NDUFAF6: variants seen among roughly 807,000 people sequenced by gnomAD.
The protein encoded by NDUFAF6 is NADH:ubiquinone oxidoreductase complex assembly factor 6.
Under a neutral mutation model 40.8 loss-of-function variants are expected in NDUFAF6, and 45 were observed. The observed-to-expected ratio is 1.10, with a 90% confidence interval of 0.87 to 1.42. NDUFAF6 has a LOEUF of 1.42. Among genes scored for constraint, NDUFAF6 ranks in the 40% most tolerant of loss-of-function variants. NDUFAF6 has a pLI of 0.00. For synonymous variants in NDUFAF6, 185 were observed against 155.9 expected (o/e 1.19, Z -1.39); for missense variants, 435 against 418.5 (o/e 1.04, Z -0.34).
At chr8:95,036,630 G>A in intron 3 of NDUFAF6, 2 of 652,494 alleles carry the variant, frequency 3.1e-6, no homozygotes, top group Admixed American at 3.9e-5. Context: ...GAGTATAGTG[G>A]AGGTGGAGGT....
At chr8:94,918,800 A>G (rs1819305754) in intron 1 of NDUFAF6, among the ~76,000 whole-genome samples, 1 of 152,114 alleles carries the variant, frequency 6.6e-6, no homozygotes, top group South Asian at 2.1e-4. Context: ...TTTCCAACCC[A>G]TTCCCTGTGT....
At chr8:95,009,748 A>G (rs1044296016) in intron 2 of NDUFAF6, among the ~76,000 whole-genome samples, 1 of 152,208 alleles carries the variant, frequency 6.6e-6, no homozygotes, top group Non-Finnish European at 1.5e-5. Flanking sequence ...TAATTTCAGC[A>G]GAGATCTCAA....
At chr8:95,057,727 G>A in intron 8 of NDUFAF6, 82 bp from the exon 9 acceptor site, 1 of 1,093,854 alleles carries the variant, frequency 9.1e-7, no homozygotes, top group Non-Finnish European at 1.3e-6. Context: ...CTAAATACTT[G>A]TAATTATTCT....
upstream of NDUFAF6, among the ~76,000 whole-genome samples, chr8:95,020,090 T>C (rs1427224600): frequency 1.3e-5 from 2 of 152,062 alleles, no homozygotes; most frequent in East Asian, 1.9e-4. Context: ...TCCCAGCTAC[T>C]TGGGAGGCTG....
At chr8:95,007,097 C>T (rs1316953271) in intron 2 of NDUFAF6, among the ~76,000 whole-genome samples, 1 of 151,918 alleles carries the variant, frequency 6.6e-6, no homozygotes, top group Non-Finnish European at 1.5e-5. Flanking sequence ...GTTCCTTTGG[C>T]TTATACAAAA....
At chr8:94,949,162 G>A (rs1373650599) in intron 2 of NDUFAF6, 3 of 148,614 alleles carry the variant, frequency 2.0e-5, no homozygotes, top group Admixed American at 6.7e-5. Context: ...ACGTGGGCCC[G>A]GGCCGTGCGG....
At chr8:95,051,056 G>T (rs2131938899) in intron 7 of NDUFAF6, among the ~76,000 whole-genome samples, 1 of 152,000 alleles carries the variant, frequency 6.6e-6, no homozygotes. Context: ...AGAAGGAGAT[G>T]GACTATTAAA....
chr8:95,015,102 A>G (rs2678830), intron 2 of NDUFAF6, among the ~76,000 whole-genome samples: 151,489 of 152,350 alleles, frequency 0.99, 75,322 homozygotes, highest in East Asian at 1. Flanking sequence ...GACTGTCTGG[A>G]TGGATGAGCA....
intron 2 of NDUFAF6, among the ~76,000 whole-genome samples, chr8:95,088,192 G>T (rs961999983): frequency 6.6e-6 from 1 of 152,150 alleles, no homozygotes; most frequent in African/African-American, 2.4e-5. Context: ...GGCCACCTGG[G>T]CTCACAGCCT....
At chr8:95,056,232 GT>G (rs1460711759) in intron 8 of NDUFAF6, among the ~76,000 whole-genome samples, 107 of 140,822 alleles carry the variant, frequency 7.6e-4, no homozygotes, top group Middle Eastern at 3.6e-3. Context: ...TTTCTGGATT[GT>G]TTTTTTTTTT....
At chr8:94,998,729 A>G (rs1276363245) in intron 2 of NDUFAF6, among the ~76,000 whole-genome samples, 1 of 152,220 alleles carries the variant, frequency 6.6e-6, no homozygotes, top group Non-Finnish European at 1.5e-5. Flanking sequence ...AGGTGGATGC[A>G]CGCAGGAGGG....
intron 2 of NDUFAF6, among the ~76,000 whole-genome samples, chr8:94,995,027 C>T (rs1038201153): frequency 1.3e-5 from 2 of 152,198 alleles, no homozygotes; most frequent in African/African-American, 4.8e-5. Context: ...CAAAGAGATC[C>T]ATTTTCATTG....
chr8:95,043,571 G>A (rs2131868683), intron 4 of NDUFAF6, among the ~76,000 whole-genome samples: 1 of 152,218 alleles, frequency 6.6e-6, no homozygotes, highest in Non-Finnish European at 1.5e-5. Context: ...ATGGGGAAAG[G>A]ATTTGAGTAG....
At chr8:95,105,619 G>A (rs748877275), downstream of NDUFAF6, among the ~76,000 whole-genome samples, 1 of 151,652 alleles carries the variant, frequency 6.6e-6, no homozygotes, top group East Asian at 1.9e-4. Flanking sequence ...CTCCTGCCTC[G>A]GCCTTCTGAG....
intron 2 of NDUFAF6, among the ~76,000 whole-genome samples, chr8:95,019,292 G>A (rs1034739224): frequency 3.9e-5 from 6 of 152,228 alleles, no homozygotes; most frequent in African/African-American, 1.4e-4. Flanking sequence ...TTACAGGCGT[G>A]AGCCACTGCA....
chr8:94,958,522 C>CTTTTTTTTTTTTTTTTTT (rs55703438), intron 1 of NDUFAF6, among the ~76,000 whole-genome samples: 1 of 71,244 alleles, frequency 1.4e-5, no homozygotes, highest in Non-Finnish European at 2.5e-5. Context: ...TAGTCACATT[C>CTTTTTTTTTTTTTTTTTT]TTTTTTTTTT....
At chr8:95,084,498 A>G (rs1276296464) in intron 2 of NDUFAF6, among the ~76,000 whole-genome samples, 1 of 152,166 alleles carries the variant, frequency 6.6e-6, no homozygotes, top group Non-Finnish European at 1.5e-5. Flanking sequence ...CTTACTCTTC[A>G]TATTGTTTTT....
chr8:95,096,311 G>C (rs1809463339), upstream of NDUFAF6, among the ~76,000 whole-genome samples: 1 of 152,114 alleles, frequency 6.6e-6, no homozygotes, highest in East Asian at 1.9e-4. Context: ...AAAAGTATTG[G>C]CCTTTTGGGG....
intron 5 of NDUFAF6, among the ~76,000 whole-genome samples, chr8:95,046,108 T>C (rs944964144): frequency 6.6e-5 from 10 of 152,102 alleles, no homozygotes; most frequent in Non-Finnish European, 1.0e-4. Flanking sequence ...GTCCCCAGGC[T>C]GGAGTGCAGT....
Sources: allele counts gnomAD v4.1 joint callset (sites outside exome capture counted in the v4.1 genomes callset), GRCh38; gene constraint gnomAD v4.1.1; transcripts MANE v1.5; gene names NCBI Gene and HGNC (gene_info 2026-07-23, HGNC 2026-07-21).